Variants in CACNB2 observed in about 807,000 individuals in gnomAD.
CACNB2 encodes voltage-dependent L-type calcium channel subunit beta-2.
CACNB2 carries 42 observed loss-of-function variants against 73.3 expected under a neutral mutation model. The observed-to-expected ratio is 0.57, with a 90% CI of 0.45 to 0.74. The LOEUF (loss-of-function observed/expected upper bound fraction) is 0.74. Among genes scored for constraint, CACNB2 ranks in the 30% least tolerant of loss-of-function variants. CACNB2 has a pLI of 0.00. For missense variants in CACNB2, 940 were observed against 853.0 expected, an observed-to-expected ratio of 1.10 and a Z score of -1.27; for synonymous variants, 348 against 310.3, an observed-to-expected ratio of 1.12 and a Z score of -1.28.
chr10:18,542,561 T>C lies in CACNB2; in HGVS notation c.*2837T>C, dbSNP rs141366641. On this transcript the variant is annotated 3_prime_UTR_variant, in exon 14 of 14. Coordinates refer to ENST00000324631, the MANE Select transcript of CACNB2 (RefSeq NM_201596.3). ...AAAAGTAGTGGTGAGAGTTTCCATC[T>C]TTTTTATTTTGTATCTAGATTCTTA... 2 of 152,330 alleles carry C rather than the reference T, an allele frequency of 1.3e-5. No individual in the cohort carries two copies. Among genetic ancestry groups the C allele is most frequent in the East Asian group, 3.9e-4 (2 of 5,186 alleles). 9.4% of individuals were successfully genotyped at this position (152,330 alleles called of 1,614,324 possible).
chr10:18,325,655 C>A (rs1197322937), intron 2 of CACNB2, among the ~76,000 whole-genome samples: 1 of 144,004 alleles, frequency 6.9e-6, no homozygotes, highest in Non-Finnish European at 1.5e-5. Context: ...CTTTCCTTCT[C>A]TCTCTCTCTT....
chr10:18,200,051 A>G (rs866998082), intron 2 of CACNB2, among the ~76,000 whole-genome samples: 5 of 151,608 alleles, frequency 3.3e-5, no homozygotes, highest in South Asian at 2.1e-4. Flanking sequence ...TCTCAAATCA[A>G]ACACTTCATT....
At chr10:18,212,122 T>A (rs1468376078) in intron 2 of CACNB2, among the ~76,000 whole-genome samples, 1 of 152,216 alleles carries the variant, frequency 6.6e-6, no homozygotes, top group African/African-American at 2.4e-5. Flanking sequence ...GTGGGGAAGT[T>A]CTGCTTAAGG....
At chr10:18,442,801 G>A (rs113546269) in intron 3 of CACNB2, among the ~76,000 whole-genome samples, 3,287 of 148,966 alleles carry the variant, frequency 0.022, 116 homozygotes, top group African/African-American at 0.076. Flanking sequence ...CTCCAGCCTG[G>A]TGACAGAGCG....
At chr10:18,264,881 T>A (rs767496664) in intron 2 of CACNB2, among the ~76,000 whole-genome samples, 9 of 152,200 alleles carry the variant, frequency 5.9e-5, no homozygotes, top group Non-Finnish European at 1.2e-4. Context: ...TTCTCTTGGA[T>A]GCAAACCAAG....
At chr10:18,369,939 C>T (rs1311986615) in intron 2 of CACNB2, among the ~76,000 whole-genome samples, 1 of 152,170 alleles carries the variant, frequency 6.6e-6, no homozygotes, top group Non-Finnish European at 1.5e-5. Context: ...CAAGATATAT[C>T]TCTTTTCTGT....
At chr10:18,512,552 T>G (rs1455888454) in intron 6 of CACNB2, among the ~76,000 whole-genome samples, 1 of 152,224 alleles carries the variant, frequency 6.6e-6, no homozygotes, top group Non-Finnish European at 1.5e-5. Flanking sequence ...AAATCTTTTT[T>G]TGCACATTGT....
chr10:18,257,675 C>G (rs1427661679), intron 2 of CACNB2, among the ~76,000 whole-genome samples: 2 of 152,190 alleles, frequency 1.3e-5, no homozygotes, highest in African/African-American at 4.8e-5. Context: ...TGTGAAGGCT[C>G]TATTTTTCCT....
At chr10:18,304,770 T>TA (rs1040843528) in intron 2 of CACNB2, among the ~76,000 whole-genome samples, 1 of 152,226 alleles carries the variant, frequency 6.6e-6, no homozygotes, top group African/African-American at 2.4e-5. Context: ...GTTTAAAACT[T>TA]ACGGTTTGTG....
intron 2 of CACNB2, among the ~76,000 whole-genome samples, chr10:18,377,243 C>T (rs1029497072): frequency 1.3e-5 from 2 of 152,268 alleles, no homozygotes; most frequent in African/African-American, 4.8e-5. Flanking sequence ...ACATAGATGG[C>T]TTCTAAAGTT....
chr10:18,297,888 T>A (rs2039343607), intron 2 of CACNB2, among the ~76,000 whole-genome samples: 1 of 152,224 alleles, frequency 6.6e-6, no homozygotes, highest in Admixed American at 6.5e-5. Flanking sequence ...GGGTTGGGCA[T>A]CTAGCCCAGG....
At chr10:18,238,756 C>T (rs1203809333) in intron 2 of CACNB2, among the ~76,000 whole-genome samples, 2 of 152,196 alleles carry the variant, frequency 1.3e-5, no homozygotes, top group Admixed American at 6.5e-5. Context: ...AACAGTGCTA[C>T]AGTTTTAAAA....
At chr10:18,286,390 C>T (rs1034208983) in intron 2 of CACNB2, among the ~76,000 whole-genome samples, 8 of 151,604 alleles carry the variant, frequency 5.3e-5, no homozygotes, top group East Asian at 1.9e-4. Context: ...CGGTGGCGGG[C>T]GCCTGTAGTC....
At chr10:18,347,416 C>A (rs1388077102) in intron 2 of CACNB2, among the ~76,000 whole-genome samples, 1 of 143,818 alleles carries the variant, frequency 7.0e-6, no homozygotes, top group Non-Finnish European at 1.5e-5. Flanking sequence ...GTCACGAACT[C>A]CTGAGCTCAG....
intron 2 of CACNB2, among the ~76,000 whole-genome samples, chr10:18,337,587 T>G (rs2041058776): frequency 6.6e-6 from 1 of 152,182 alleles, no homozygotes. Flanking sequence ...ATAGAAAATA[T>G]TATAATGACC....
chr10:18,537,287 T>G (rs2133315840), intron 12 of CACNB2, among the ~76,000 whole-genome samples: 1 of 151,894 alleles, frequency 6.6e-6, no homozygotes. Context: ...TGCACCAGGC[T>G]TTTTTTTCTT....
At chr10:18,396,909 A>T (rs990402565) in intron 2 of CACNB2, among the ~76,000 whole-genome samples, 4 of 152,192 alleles carry the variant, frequency 2.6e-5, no homozygotes, top group Non-Finnish European at 5.9e-5. Flanking sequence ...CTAGAATCAG[A>T]CTGGCCTTTG....
intron 2 of CACNB2, among the ~76,000 whole-genome samples, chr10:18,198,354 C>T (rs1025093782): frequency 4.6e-5 from 7 of 151,776 alleles, no homozygotes; most frequent in Non-Finnish European, 1.0e-4. Context: ...AAGCTCATAC[C>T]GGGGGCACCT....
chr10:18,178,580 G>A (rs944394990), intron 2 of CACNB2, among the ~76,000 whole-genome samples: 1 of 152,110 alleles, frequency 6.6e-6, no homozygotes, highest in Non-Finnish European at 1.5e-5. Context: ...CACAAAGATA[G>A]TGATTTGGGA....
Sources: allele counts gnomAD v4.1 joint callset (sites outside exome capture counted in the v4.1 genomes callset), GRCh38; gene constraint gnomAD v4.1.1; transcripts MANE v1.5; gene names NCBI Gene and HGNC (gene_info 2026-07-23, HGNC 2026-07-21).